The following IQCE variants were observed in gnomAD, a reference collection of about 807,000 sequenced individuals.
IQCE encodes IQ domain-containing protein E.
IQCE carries 115 observed loss-of-function variants against 96.0 expected under a neutral mutation model. The observed-to-expected ratio is 1.20, with a 90% CI of 1.03 to 1.40. The LOEUF (loss-of-function observed/expected upper bound fraction) is 1.40. Ranked by LOEUF, IQCE falls within the 40% of genes most tolerant of loss-of-function variation. IQCE has a pLI of 0.00. For synonymous variants in IQCE, 412 were observed against 371.2 expected, an observed-to-expected ratio of 1.11 and a Z score of -1.26; for missense variants, 1,041 against 909.1, an observed-to-expected ratio of 1.15 and a Z score of -1.87.
intron 9 of IQCE, among the ~76,000 whole-genome samples, chr7:2,583,127 G>GCAGATTTTGTCTTATTT (rs1426561184): frequency 3.3e-5 from 5 of 152,154 alleles, no homozygotes; most frequent in African/African-American, 4.8e-5. Flanking sequence ...ACTTAAGTTT[G>GCAGATTTTGTCTTATTT]CAGATTTTGT....
At position 2,612,162 on chromosome 7, in the gene IQCE, G is replaced by A. The variant is rs1785127322; in HGVS notation, c.*2000G>A. 6.6e-6 allele frequency: 1 copy of A among 152,250 alleles called. No individual in the cohort carries two copies. Among genetic ancestry groups the A allele is most frequent in the Non-Finnish European group, 1.5e-5 (1 of 68,060 alleles). 9.4% of individuals were successfully genotyped at this position (152,250 alleles called of 1,614,324 possible). On this transcript the variant is annotated 3_prime_UTR_variant, in exon 22 of 22. Transcript: ENST00000402050. ...GCCTAGAGCTTTGGGTTACAGGCAT[G>A]GAGAGGGCTTTCCTGCCTCAGGCTT...
chr7:2,572,726 T>TA (rs1015746129), intron 5 of IQCE: 3 of 458,694 alleles, frequency 6.5e-6, no homozygotes, highest in Non-Finnish European at 1.3e-5. Flanking sequence ...TCTTTTTTTT[T>TA]AGAGACGGAA....
In IQCE at chr7:2,605,921, G is replaced by GGCAGCCCTGT. The variant is rs1485641967; in HGVS notation, c.1794_1803dup (p.Glu602ProfsTer28). On this transcript the variant is annotated frameshift_variant, in exon 20 of 22. Coordinates refer to ENST00000402050, the MANE Select transcript of IQCE (RefSeq NM_152558.5). LOFTEE classifies it high-confidence loss of function. ...TCCGAGCCCCATCGCCCAGGCCACG[G>GGCAGCCCTGT]GCAGCCCTGTGCAGGAGGAGGCCAT... The GGCAGCCCTGT allele has an allele frequency of 1.2e-6, 2 of 1,610,136 alleles. No individual in the cohort carries two copies. Among genetic ancestry groups the GGCAGCCCTGT allele is most frequent in the Non-Finnish European group, 1.7e-6 (2 of 1,178,920 alleles).
intron 17 of IQCE, among the ~76,000 whole-genome samples, chr7:2,600,155 C>T (rs1021039323): frequency 4.6e-5 from 7 of 151,916 alleles, no homozygotes; most frequent in South Asian, 2.1e-4. Flanking sequence ...TGTTACAGAA[C>T]GTTCCCTTTC....
At chr7:2,567,454 C>T (rs528776908) in intron 2 of IQCE, among the ~76,000 whole-genome samples, 1 of 152,266 alleles carries the variant, frequency 6.6e-6, no homozygotes. Context: ...CGCCCTCATC[C>T]TGACACTTGA....
At position 2,613,027 on chromosome 7, in the gene IQCE, C is replaced by T. The variant is rs1360826694; in HGVS notation, c.*2865C>T. 1 of 152,248 alleles carries T rather than the reference C, an allele frequency of 6.6e-6. No homozygotes were observed. Among genetic ancestry groups the T allele is most frequent in the Admixed American group, 6.5e-5 (1 of 15,286 alleles). The allele number at this position is 152,248 out of a possible 1,614,324, so 9.4% of individuals were successfully genotyped here. Reference sequence around the variant, plus strand: ...CACGGTGTACTGATTGTCACTGCAACACCTCCACATCACCTTGAACTTCAA... The same window carrying T: ...CACGGTGTACTGATTGTCACTGCAATACCTCCACATCACCTTGAACTTCAA... On this transcript the variant is annotated 3_prime_UTR_variant, in exon 22 of 22. Coordinates refer to ENST00000402050, the MANE Select transcript of IQCE (RefSeq NM_152558.5).
intron 6 of IQCE, among the ~76,000 whole-genome samples, chr7:2,574,855 A>C (rs1262231264): frequency 6.6e-6 from 1 of 151,976 alleles, no homozygotes; most frequent in African/African-American, 2.4e-5. Flanking sequence ...TGGCCTCTGC[A>C]TCCTGCAGTT....
intron 4 of IQCE, 53 bp from the exon 5 acceptor site, chr7:2,572,139 C>G: frequency 6.4e-7 from 1 of 1,553,518 alleles, no homozygotes; most frequent in East Asian, 2.3e-5. Context: ...AACAAAACCT[C>G]CCATTGTGTG....
intron 16 of IQCE, among the ~76,000 whole-genome samples, chr7:2,597,461 T>G (rs1385076035): frequency 6.6e-6 from 1 of 152,252 alleles, no homozygotes. Flanking sequence ...GTTCTGTGTT[T>G]GTTGAAGTCT....
chr7:2,580,242 A>G (rs1288501675), intron 8 of IQCE: 1 of 152,038 alleles, frequency 6.6e-6, no homozygotes, highest in African/African-American at 2.4e-5. Flanking sequence ...AAAATGGGCT[A>G]CAACTTAAGT....
intron 14 of IQCE, among the ~76,000 whole-genome samples, chr7:2,590,945 C>T (rs753158491): frequency 2.0e-5 from 3 of 151,782 alleles, no homozygotes; most frequent in South Asian, 2.1e-4. Flanking sequence ...TCTATTAATA[C>T]GTAGGAAATA....
intron 6 of IQCE, among the ~76,000 whole-genome samples, chr7:2,575,021 G>A (rs950502667): frequency 2.0e-5 from 3 of 152,230 alleles, no homozygotes; most frequent in African/African-American, 7.2e-5. Context: ...CATCTTTGTG[G>A]CGGCTGCCCT....
intron 17 of IQCE, among the ~76,000 whole-genome samples, 190 bp from the exon 18 acceptor site, chr7:2,601,251 T>C (rs1784409821): frequency 6.6e-6 from 1 of 152,200 alleles, no homozygotes; most frequent in Non-Finnish European, 1.5e-5. Context: ...ATCCTAATTC[T>C]GCCTCTCACT....
At chr7:2,571,391 AT>A in intron 3 of IQCE, 134 bp from the exon 4 acceptor site, 3 of 1,102,484 alleles carry the variant, frequency 2.7e-6, no homozygotes, top group Non-Finnish European at 4.0e-6. Flanking sequence ...CTCTTTTTTC[AT>A]TTTTGCCAGA....
intron 18 of IQCE, among the ~76,000 whole-genome samples, chr7:2,604,639 C>T (rs1268630763): frequency 6.6e-6 from 1 of 152,204 alleles, no homozygotes; most frequent in Non-Finnish European, 1.5e-5. Context: ...TTGCCATTCC[C>T]AGAGTCCCCA....
At chr7:2,579,894 G>GT in intron 8 of IQCE, among the ~76,000 whole-genome samples, 1 of 152,068 alleles carries the variant, frequency 6.6e-6, no homozygotes, top group Non-Finnish European at 1.5e-5. Context: ...CGGGACTACA[G>GT]GCACGTGCCA....
intron 18 of IQCE, 113 bp downstream of exon 18, chr7:2,601,577 T>G (rs1435408470): frequency 3.5e-6 from 3 of 849,794 alleles, no homozygotes; most frequent in Non-Finnish European, 6.0e-6. Context: ...CGAGATGGAA[T>G]CTCGCTCTGT....
At chr7:2,587,417 G>A (rs542168728) in intron 12 of IQCE, among the ~76,000 whole-genome samples, 3 of 151,576 alleles carry the variant, frequency 2.0e-5, no homozygotes, top group African/African-American at 4.8e-5. Context: ...TGGGGGAGGC[G>A]AGGGGCAGCC....
chr7:2,573,171 C>G (rs1241780944), intron 5 of IQCE, among the ~76,000 whole-genome samples: 10 of 152,210 alleles, frequency 6.6e-5, no homozygotes, highest in Admixed American at 5.2e-4. Context: ...TGTCATGAAA[C>G]TTGGTCTTCA....
Sources: allele counts gnomAD v4.1 joint callset (sites outside exome capture counted in the v4.1 genomes callset), GRCh38; gene constraint gnomAD v4.1.1; transcripts MANE v1.5; gene names NCBI Gene and HGNC (gene_info 2026-07-23, HGNC 2026-07-21).